The following GPR101 variants were observed in gnomAD, a reference collection of about 807,000 sequenced individuals.
GPR101 encodes the protein probable G protein-coupled receptor 101.
In GPR101, 8 loss-of-function variants were observed where a neutral mutation model predicts 16.4. The observed-to-expected ratio is 0.49, with a 90% CI of 0.29 to 0.88. The LOEUF is 0.88. GPR101 is among the 40% of genes least tolerant of loss of function. GPR101 has a pLI of 0.09. For synonymous variants in GPR101, 155 were observed against 168.7 expected (o/e 0.92, Z 0.63); for missense variants, 375 against 411.7 (o/e 0.91, Z 0.77).
Position 137,030,061 on chromosome X carries a change from G to A in GPR101, c.*87C>T, listed in dbSNP as rs1927226920. ...CCTTTGCCTGAAATGGTATGGTTTG[G>A]CATTAATGAATTGTGGGTCCATTGA... On this transcript the variant is annotated 3_prime_UTR_variant, in exon 2 of 2. Transcript: ENST00000651716. 1.2e-6 allele frequency: 1 copy of A among 820,211 alleles called. No individual in the cohort carries two copies. The highest frequency in any genetic ancestry group is 2.1e-5 in the African/African-American group (1 of 48,319). 67.6% of individuals were successfully genotyped at this position (820,211 alleles called of 1,213,427 possible).
Position 137,031,581 on chromosome X carries a change from T to G in GPR101, c.94A>C (p.Ile32Leu), listed in dbSNP as rs778761113. 3.0e-5 allele frequency: 36 copies of G among 1,211,313 alleles called. No homozygotes were observed. Among genetic ancestry groups the G allele is most frequent in the Non-Finnish European group, 4.0e-5 (36 of 895,201 alleles). Residue 32 changes from isoleucine to leucine, a missense_variant, in exon 2 of 2, where the codon ATC becomes CTC. Coordinates refer to ENST00000651716, the MANE Select transcript of GPR101 (RefSeq NM_054021.2). ...SKMPISLAHG[I>L]IRSTVLVIFL... ...ATAACCAGCACGGTTGAGCGGATGA[T>G]GCCGTGGGCCAGGCTGATGGGCATT... is the stretch of plus-strand genomic sequence containing the variant.
In GPR101 at chrX:137,031,561, C is replaced by A. The variant is rs1384969287; in HGVS notation, c.114G>T (p.Leu38=). ...CGAAAGAGGCGGCGAGGAAGATAAC[C>A]AGCACGGTTGAGCGGATGATGCCGT... ...LAHGIIRSTV[L]VIFLAASFVG... Residue 38 remains leucine (L), a synonymous_variant, in exon 2 of 2, where the codon CTG becomes CTT. Coordinates refer to ENST00000651716, the MANE Select transcript of GPR101 (RefSeq NM_054021.2). 8.3e-7 allele frequency: 1 copy of A among 1,211,715 alleles called. No individual in the cohort carries two copies.
intron 1 of GPR101, among the ~76,000 whole-genome samples, chrX:137,032,939 G>T (rs1210944219): frequency 9.0e-6 from 1 of 110,616 alleles, no homozygotes; most frequent in African/African-American, 3.3e-5. Context: ...GAGTGTGTGC[G>T]CATCTCTATT....
rs1186288137 is a variant in GPR101 at position 137,024,635 on chromosome X, C to T, written c.*5513G>A. Among the ~76,000 whole-genome samples, 1 of 110,337 alleles carries T rather than the reference C, an allele frequency of 9.1e-6. No individual in the cohort carries two copies. Among genetic ancestry groups the T allele is most frequent in the African/African-American group, 3.3e-5 (1 of 30,232 alleles). On this transcript the variant is annotated 3_prime_UTR_variant, in exon 2 of 2. Transcript: ENST00000651716. ...TGACACAAATTCCATTGATACAGTA[C>T]TGTAACTATCAAACACCGTAGCTGT...
At position 137,030,420 on chromosome X, in the gene GPR101, C is replaced by A. The variant is rs781020019; in HGVS notation, c.1255G>T (p.Ala419Ser). ...VLSLGPYCFL[A>S]VLAVWVDVET... ...ACATCCACCCACACGGCCAGGACTG[C>A]TAAAAAGCAGTAGGGCCCCAGGGAT... is the stretch of plus-strand genomic sequence containing the variant. The change falls in exon 2 of 2, where the codon GCA becomes TCA. Residue 419 changes from alanine (A) to serine (S), a missense_variant. Ala to Ser is a moderately conservative substitution (Grantham distance 99, BLOSUM62 1). Transcript: ENST00000651716. 5.0e-6 allele frequency: 6 copies of A among 1,211,350 alleles called. No homozygotes were observed. The highest frequency in any genetic ancestry group is 6.7e-6 in the Non-Finnish European group (6 of 895,362).
At position 137,026,709 on chromosome X, in the gene GPR101, C is replaced by T. The variant is rs1287983865; in HGVS notation, c.*3439G>A. ...TTTTTGGTAAAAAATTAGGTGCCTA[C>T]CTTCTACTAAATAATAACTGGCACT... On this transcript the variant is annotated 3_prime_UTR_variant, in exon 2 of 2. Coordinates refer to ENST00000651716, the MANE Select transcript of GPR101 (RefSeq NM_054021.2). 8.9e-6 allele frequency among the ~76,000 whole-genome samples: 1 copy of T among 111,778 alleles called. No individual in the cohort carries two copies. Among genetic ancestry groups the T allele is most frequent in the Non-Finnish European group, 1.9e-5 (1 of 53,161 alleles).
rs774594015 is a variant in GPR101 at position 137,027,109 on chromosome X, C to T, written c.*3039G>A. 5.6e-5 allele frequency among the ~76,000 whole-genome samples: 6 copies of T among 107,652 alleles called. No homozygotes were observed. The highest frequency in any genetic ancestry group is 9.6e-5 in the Non-Finnish European group (5 of 52,258). 93.5% of individuals were successfully genotyped at this position (107,652 alleles called of 115,157 possible). A position where few individuals can be genotyped will look rare whatever the true frequency, so the allele number is the denominator to read the frequency against. ...AGTGGGACCCTAGCATCACAGAAGTCACAGAAGCCCAGGGCTTGCTCCTTA... is the reference window on the plus strand; with the variant it reads ...AGTGGGACCCTAGCATCACAGAAGTTACAGAAGCCCAGGGCTTGCTCCTTA... On this transcript the variant is annotated 3_prime_UTR_variant, in exon 2 of 2. Coordinates refer to ENST00000651716, the MANE Select transcript of GPR101 (RefSeq NM_054021.2).
Position 137,025,493 on chromosome X carries a change from A to G in GPR101, c.*4655T>C, listed in dbSNP as rs1178817564. Among the ~76,000 whole-genome samples the G allele has an allele frequency of 8.9e-6, 1 of 112,609 alleles. No individual in the cohort carries two copies. Among genetic ancestry groups the G allele is most frequent in the African/African-American group, 3.2e-5 (1 of 30,998 alleles). ...GTTGTAGCACAGATGAAGAGGGGGGAAAATCCACTCACGTTTGAAACATCA... is the reference window on the plus strand; with the variant it reads ...GTTGTAGCACAGATGAAGAGGGGGGGAAATCCACTCACGTTTGAAACATCA... On this transcript the variant is annotated 3_prime_UTR_variant, in exon 2 of 2. Coordinates refer to ENST00000651716, the MANE Select transcript of GPR101 (RefSeq NM_054021.2).
At chrX:137,033,167 C>G (rs1412787204) in intron 1 of GPR101, among the ~76,000 whole-genome samples, 1 of 110,588 alleles carries the variant, frequency 9.0e-6, no homozygotes, top group Admixed American at 9.6e-5. Flanking sequence ...CCTACCCTCA[C>G]CCTCCACAGC....
chrX:137,032,021 C>T (rs1198855871), intron 1 of GPR101, among the ~76,000 whole-genome samples: 3 of 111,358 alleles, frequency 2.7e-5, no homozygotes, highest in Non-Finnish European at 5.7e-5. Flanking sequence ...GTCTCTCACA[C>T]TGTCTCTGGC....
rs956772094 is a variant in GPR101, at chrX:137,025,671, T to C, written c.*4477A>G. 8.9e-6 allele frequency among the ~76,000 whole-genome samples: 1 copy of C among 112,236 alleles called. No individual in the cohort carries two copies. The highest frequency in any genetic ancestry group is 1.9e-5 in the Non-Finnish European group (1 of 53,263). ...GAGATATGGAGGCTTTGGGAGGCAA[T>C]GATGGAAACACTTGACACCTATTAG... is the stretch of plus-strand genomic sequence containing the variant. On this transcript the variant is annotated 3_prime_UTR_variant, in exon 2 of 2. Transcript: ENST00000651716.
Position 137,030,197 on chromosome X carries a change from C to T in GPR101, c.1478G>A (p.Gly493Glu). Reference sequence around the variant, plus strand: ...GGAAGGGACAATCTTGCCTTCAGTCCCACCCTCTGTTCCGGGCAGGTCTGG... The same window carrying T: ...GGAAGGGACAATCTTGCCTTCAGTCTCACCCTCTGTTCCGGGCAGGTCTGG... Reference protein sequence around the residue: ...SHPDLPGTEGGTEGKIVPSYD... With the variant: ...SHPDLPGTEGETEGKIVPSYD... Residue 493 changes from glycine to glutamate, a missense_variant, in exon 2 of 2, where the codon GGG becomes GAG. Coordinates refer to ENST00000651716, the MANE Select transcript of GPR101 (RefSeq NM_054021.2). The T allele has an allele frequency of 8.3e-7, 1 of 1,201,937 alleles. No individual in the cohort carries two copies. Among genetic ancestry groups the T allele is most frequent in the Non-Finnish European group, 1.1e-6 (1 of 891,279 alleles).
rs1383995877 is a variant in GPR101, at chrX:137,026,343, C to G, written c.*3805G>C. Among the ~76,000 whole-genome samples the G allele has an allele frequency of 1.8e-5, 2 of 111,957 alleles. No individual in the cohort carries two copies. Among genetic ancestry groups the G allele is most frequent in the Non-Finnish European group, 3.8e-5 (2 of 53,193 alleles). On this transcript the variant is annotated 3_prime_UTR_variant, in exon 2 of 2. Coordinates refer to ENST00000651716, the MANE Select transcript of GPR101 (RefSeq NM_054021.2). The stretch of plus-strand genomic sequence containing the variant: ...TTTAAATTGTTGCTCATTGTTTTAT[C>G]CCAACAACCCATGAGAGTTTTATCT...
In GPR101 at chrX:137,031,658, G is replaced by C. The variant is rs1272834556; in HGVS notation, c.17C>G (p.Thr6Ser). The change falls in exon 2 of 2, where the codon ACC becomes AGC. Residue 6 changes from threonine to serine, a missense_variant. Coordinates refer to ENST00000651716, the MANE Select transcript of GPR101 (RefSeq NM_054021.2). Reference protein sequence around the residue: MTSTCTNSTRESNSSH... With the variant: MTSTCSNSTRESNSSH... ...GCTGTTACTCTCGCGCGTGCTGTTG[G>C]TGCAGGTGGACGTCATGGCAACAGC... The C allele has an allele frequency of 9.3e-6, 11 of 1,184,630 alleles. No homozygotes were observed. The highest frequency in any genetic ancestry group is 1.8e-5 in the African/African-American group (1 of 56,802).
intron 1 of GPR101, among the ~76,000 whole-genome samples, chrX:137,032,175 T>G (rs1462021371): frequency 9.0e-6 from 1 of 111,410 alleles, no homozygotes; most frequent in Non-Finnish European, 1.9e-5. Context: ...TGTGTCTGTA[T>G]GTGTCTCACC....
rs1927162254 is a variant in GPR101 at position 137,025,903 on chromosome X, G to T, written c.*4245C>A. On this transcript the variant is annotated 3_prime_UTR_variant, in exon 2 of 2. Coordinates refer to ENST00000651716, the MANE Select transcript of GPR101 (RefSeq NM_054021.2). ...GAGATCATTGCTAAGTAATTGGAAA[G>T]AATTTATGACAAGGATTTCTCTTCT... Among the ~76,000 whole-genome samples the T allele has an allele frequency of 8.9e-6, 1 of 112,673 alleles. No individual in the cohort carries two copies. Among genetic ancestry groups the T allele is most frequent in the South Asian group, 3.7e-4 (1 of 2,728 alleles).
Position 137,030,991 on chromosome X carries a change from A to T in GPR101, c.684T>A (p.Asn228Lys). Residue 228 changes from asparagine to lysine, a missense_variant, in exon 2 of 2, where the codon AAT becomes AAA. Physicochemically the swap from Asn to Lys is moderately conservative, Grantham distance 94. Coordinates refer to ENST00000651716, the MANE Select transcript of GPR101 (RefSeq NM_054021.2). ...GCACTTCCAAGCTGTGTCTCTTGACATTGTACAGCAGAGCATGCTGCCTCC... is the reference window on the plus strand; with the variant it reads ...GCACTTCCAAGCTGTGTCTCTTGACTTTGTACAGCAGAGCATGCTGCCTCC... ...AARRQHALLY[N>K]VKRHSLEVRV... is the part of the protein sequence containing the mutation. 1 of 1,211,793 alleles carries T rather than the reference A, an allele frequency of 8.3e-7. No individual in the cohort carries two copies. The highest frequency in any genetic ancestry group is 1.1e-6 in the Non-Finnish European group (1 of 895,431).
rs1311537336 is a variant in GPR101 at position 137,025,905 on chromosome X, A to G, written c.*4243T>C. Among the ~76,000 whole-genome samples the G allele has an allele frequency of 5.3e-5, 6 of 112,708 alleles. No individual in the cohort carries two copies. The Admixed American group carries it at 5.6e-4, about 11-fold the overall frequency. On this transcript the variant is annotated 3_prime_UTR_variant, in exon 2 of 2. Coordinates refer to ENST00000651716, the MANE Select transcript of GPR101 (RefSeq NM_054021.2). ...GATCATTGCTAAGTAATTGGAAAGA[A>G]TTTATGACAAGGATTTCTCTTCTTT...
rs1259768197 is a variant in GPR101 at position 137,031,113 on chromosome X, C to T, written c.562G>A (p.Ala188Thr). 2.5e-6 allele frequency: 3 copies of T among 1,209,711 alleles called. No homozygotes were observed. Among genetic ancestry groups the T allele is most frequent in the African/African-American group, 1.7e-5 (1 of 57,365 alleles). Residue 188 changes from alanine to threonine, a missense_variant, in exon 2 of 2, where the codon GCC becomes ACC. Ala to Thr is a moderately conservative substitution (Grantham distance 58). Coordinates refer to ENST00000651716, the MANE Select transcript of GPR101 (RefSeq NM_054021.2). ...RNALCSMIWG[A>T]SPSYTILSVV... ...CTGAGAATAGTGTAGCTGGGGCTGGCCCCCCAGATCATGGAGCAGAGAGCA... is the reference window on the plus strand; with the variant it reads ...CTGAGAATAGTGTAGCTGGGGCTGGTCCCCCAGATCATGGAGCAGAGAGCA...
Sources: gnomAD v4.1 joint callset for allele counts (sites outside exome capture counted in the v4.1 genomes callset) on GRCh38, gnomAD v4.1.1 for gene constraint, MANE v1.5 for transcripts, NCBI Gene and HGNC (gene_info 2026-07-23, HGNC 2026-07-21) for gene names.